The following MACROD2 variants were observed in gnomAD, a reference collection of about 807,000 sequenced individuals.
The protein encoded by MACROD2 is mono-ADP ribosylhydrolase 2, also known as ADP-ribose glycohydrolase MACROD2.
MACROD2 carries 36 observed loss-of-function variants against 70.4 expected under a neutral mutation model. The ratio of observed to expected loss-of-function variants is 0.51; its 90% CI spans 0.39 to 0.68. MACROD2 has a LOEUF of 0.68. MACROD2 is among the 30% of genes least tolerant of loss of function. The pLI, the probability that MACROD2 is intolerant of heterozygous loss-of-function variation, is 0.00. For missense variants in MACROD2, 496 were observed against 538.4 expected (o/e 0.92, Z 0.78); for synonymous variants, 172 against 178.8 (o/e 0.96, Z 0.30).
At chr20:15,967,183 A>G (rs1452531949) in intron 12 of MACROD2, among the ~76,000 whole-genome samples, 1 of 152,190 alleles carries the variant, frequency 6.6e-6, no homozygotes, top group Non-Finnish European at 1.5e-5. Context: ...CAACCACAGT[A>G]ATGGAAGCAT....
Position 14,575,455 on chromosome 20 carries a change from T to C in MACROD2, c.301+81947T>C, listed in dbSNP as rs551869797. ...ATATGAGGATGAAAAAGTTAAATGA[T>C]GTCTTAGTATTTATATGAAAATGGC... On this transcript the variant is annotated intron_variant, in intron 4 of 17. Coordinates refer to ENST00000684519, the MANE Select transcript of MACROD2 (RefSeq NM_001351661.2). Among the ~76,000 whole-genome samples the C allele has an allele frequency of 3.2e-4, 49 of 152,326 alleles. No homozygotes were observed. In the South Asian group the frequency reaches 7.0e-3, roughly 22 times the overall value.
intron 6 of MACROD2, among the ~76,000 whole-genome samples, chr20:15,238,356 G>A (rs1158063583): frequency 2.6e-5 from 4 of 151,992 alleles, no homozygotes; most frequent in Non-Finnish European, 2.9e-5. Flanking sequence ...ACAATATCAC[G>A]TGTTGTGTCA....
intron 12 of MACROD2, among the ~76,000 whole-genome samples, chr20:15,960,960 G>A (rs1682241848): frequency 6.6e-6 from 1 of 152,164 alleles, no homozygotes; most frequent in African/African-American, 2.4e-5. Flanking sequence ...TTGGGAAGGA[G>A]TAACAGAAGG....
At chr20:14,938,093 T>C (rs1429987855) in intron 5 of MACROD2, among the ~76,000 whole-genome samples, 7 of 151,700 alleles carry the variant, frequency 4.6e-5, no homozygotes, top group African/African-American at 1.2e-4. Flanking sequence ...CAGTCATTCA[T>C]TGATGGATAC....
At chr20:14,472,471 C>A (rs2084541590) in intron 3 of MACROD2, among the ~76,000 whole-genome samples, 1 of 152,100 alleles carries the variant, frequency 6.6e-6, no homozygotes, top group Non-Finnish European at 1.5e-5. Context: ...TTTTAATCCC[C>A]ACAATCATAT....
At chr20:14,010,020 G>A (rs971005342) in intron 2 of MACROD2, among the ~76,000 whole-genome samples, 3 of 152,142 alleles carry the variant, frequency 2.0e-5, no homozygotes, top group African/African-American at 4.8e-5. Flanking sequence ...GCTAATGGAT[G>A]CTGGGCTCAA....
chr20:14,443,460 C>T (rs2122963926), intron 3 of MACROD2, among the ~76,000 whole-genome samples: 1 of 151,802 alleles, frequency 6.6e-6, no homozygotes, highest in Admixed American at 6.6e-5. Flanking sequence ...CTACGCCTGT[C>T]TGACTTTTGT....
chr20:14,704,017 C>T (rs772757714), intron 5 of MACROD2, among the ~76,000 whole-genome samples: 3 of 151,962 alleles, frequency 2.0e-5, no homozygotes, highest in Non-Finnish European at 2.9e-5. Flanking sequence ...TGTGAGCCAC[C>T]GCATCTGGCC....
intron 3 of MACROD2, among the ~76,000 whole-genome samples, chr20:14,190,639 A>G (rs2081376706): frequency 1.5e-5 from 2 of 135,596 alleles, no homozygotes; most frequent in Admixed American, 1.5e-4. Context: ...TTTTACCCAC[A>G]CCACTTTGCT....
intron 6 of MACROD2, among the ~76,000 whole-genome samples, chr20:15,313,520 A>G (rs1482591674): frequency 6.6e-6 from 1 of 152,024 alleles, no homozygotes; most frequent in African/African-American, 2.4e-5. Context: ...AAAAAAAAAA[A>G]AAAAAAAATG....
At chr20:15,834,435 G>A (rs576071089) in intron 8 of MACROD2, among the ~76,000 whole-genome samples, 2 of 152,112 alleles carry the variant, frequency 1.3e-5, no homozygotes, top group South Asian at 2.1e-4. Flanking sequence ...CAACTACCAA[G>A]TACCTCTTTA....
chr20:15,910,289 T>G (rs1568634143), intron 10 of MACROD2, among the ~76,000 whole-genome samples: 1 of 152,256 alleles, frequency 6.6e-6, no homozygotes, highest in East Asian at 1.9e-4. Context: ...CAAGCGTTAT[T>G]TCAAGAGTTA....
chr20:15,791,027 C>G (rs1443959215), intron 8 of MACROD2, among the ~76,000 whole-genome samples: 1 of 151,844 alleles, frequency 6.6e-6, no homozygotes, highest in African/African-American at 2.4e-5. Flanking sequence ...CTGCCTTTTT[C>G]ATTTTTATTA....
At chr20:14,664,287 A>G (rs2070712552) in intron 4 of MACROD2, among the ~76,000 whole-genome samples, 1 of 152,104 alleles carries the variant, frequency 6.6e-6, no homozygotes, top group South Asian at 2.1e-4. Flanking sequence ...CAAAATGCTG[A>G]CATTCAGGCA....
intron 3 of MACROD2, among the ~76,000 whole-genome samples, chr20:14,446,505 G>C (rs1458127771): frequency 6.6e-6 from 1 of 152,074 alleles, no homozygotes; most frequent in Non-Finnish European, 1.5e-5. Context: ...GAGGAGCCAG[G>C]ATGAACCTGG....
chr20:15,172,160 T>A (rs1463783596), intron 5 of MACROD2, among the ~76,000 whole-genome samples: 1 of 152,138 alleles, frequency 6.6e-6, no homozygotes, highest in Non-Finnish European at 1.5e-5. Flanking sequence ...CTTCTAAGAT[T>A]CTGTCATAGT....
chr20:14,517,425 A>G (rs1002497369), intron 4 of MACROD2, among the ~76,000 whole-genome samples: 7 of 152,186 alleles, frequency 4.6e-5, no homozygotes, highest in Non-Finnish European at 8.8e-5. Flanking sequence ...TTCTCAGCAA[A>G]GTAACACAGG....
At position 14,272,582 on chromosome 20, in the gene MACROD2, T is replaced by A. The variant is rs552526730; in HGVS notation, c.271+186854T>A. On this transcript the variant is annotated intron_variant, in intron 3 of 17. Coordinates refer to ENST00000684519, the MANE Select transcript of MACROD2 (RefSeq NM_001351661.2). Reference sequence around the variant, plus strand: ...CCATCGAGACTAGGAAGAAACTGCATCAACTAATGAGCAAAATAACCAGCT... The same window carrying A: ...CCATCGAGACTAGGAAGAAACTGCAACAACTAATGAGCAAAATAACCAGCT... Among the ~76,000 whole-genome samples the A allele has an allele frequency of 7.5e-3, 1,129 of 150,876 alleles. 12 individuals are homozygous for A. The highest frequency in any genetic ancestry group is 0.026 in the African/African-American group (1,073 of 41,002).
chr20:14,447,394 G>A (rs1036659303), intron 3 of MACROD2, among the ~76,000 whole-genome samples: 9 of 152,134 alleles, frequency 5.9e-5, no homozygotes, highest in African/African-American at 1.9e-4. Context: ...CAGGTTTTTC[G>A]AGATTAAAGA....
Sources: allele counts gnomAD v4.1 joint callset (sites outside exome capture counted in the v4.1 genomes callset), GRCh38; gene constraint gnomAD v4.1.1; transcripts MANE v1.5; gene names NCBI Gene and HGNC (gene_info 2026-07-23, HGNC 2026-07-21).